Variants in MRTFA observed in about 807,000 individuals in gnomAD.
MRTFA encodes myocardin related transcription factor A.
Under a neutral mutation model 83.5 loss-of-function variants are expected in MRTFA, and 20 were observed. That is an observed-to-expected ratio of 0.24 (90% confidence interval 0.17 to 0.35). The LOEUF (loss-of-function observed/expected upper bound fraction) is 0.35. Ranked by LOEUF, MRTFA falls within the 10% of genes least tolerant of loss-of-function variation. The pLI, the probability that MRTFA is intolerant of heterozygous loss-of-function variation, is 1.00. For synonymous variants in MRTFA, 659 were observed against 541.2 expected, an observed-to-expected ratio of 1.22 and a Z score of -3.02; for missense variants, 1,200 against 1,224.7, an observed-to-expected ratio of 0.98 and a Z score of 0.30.
rs2147061434 is a variant in MRTFA at position 40,416,567 on chromosome 22, C to T, written c.2578+419G>A. 6.6e-6 allele frequency among the ~76,000 whole-genome samples: 1 copy of T among 152,358 alleles called. No homozygotes were observed. The highest frequency in any genetic ancestry group is 2.1e-4 in the South Asian group (1 of 4,834). On this transcript the variant is annotated intron_variant, in intron 14 of 14. Coordinates refer to ENST00000355630, the MANE Select transcript of MRTFA (RefSeq NM_020831.6). The surrounding 1 kb of genome is among the most constrained non-coding windows in gnomAD (Gnocchi z 4.2). ...ACTCCCGAGGCCGCACAGATGCACA[C>T]AGCTGCCCCTGCTCACAGGAGACAT...
chr22:40,631,205 T>C (rs922036462), intron 1 of MRTFA, among the ~76,000 whole-genome samples: 3 of 152,164 alleles, frequency 2.0e-5, no homozygotes, highest in Admixed American at 6.6e-5. Flanking sequence ...GAAGCAGCAA[T>C]GGTTAACATT....
rs1053517435 is a variant in MRTFA, at chr22:40,420,963, C to T, written c.1065G>A (p.Met355Ile). 7 of 1,613,216 alleles carry T rather than the reference C, an allele frequency of 4.3e-6. No individual in the cohort carries two copies. Among genetic ancestry groups the T allele is most frequent in the Non-Finnish European group, 5.9e-6 (7 of 1,179,462 alleles). ...GCAGGATCTTGGCGTAGGATGAGTC[C>T]ATGGGGGGTGCCCCCCTGTCCTGCT... The change falls in exon 10 of 15, where the codon ATG (methionine) becomes ATA (isoleucine). Residue 355 changes from methionine to isoleucine, a missense_variant. By Grantham distance (10) the Met-to-Ile change is conservative. Transcript: ENST00000355630.
chr22:40,534,224 G>A (rs1475317707), intron 3 of MRTFA, among the ~76,000 whole-genome samples: 1 of 151,978 alleles, frequency 6.6e-6, no homozygotes, highest in Non-Finnish European at 1.5e-5. Context: ...TTTTATATGT[G>A]GTATTTATAG....
At chr22:40,560,129 G>A (rs1344239646) in intron 2 of MRTFA, among the ~76,000 whole-genome samples, 2 of 152,190 alleles carry the variant, frequency 1.3e-5, no homozygotes, top group African/African-American at 2.4e-5. Flanking sequence ...TCAAGGCCAT[G>A]AGGCAGGGAG....
chr22:40,414,150 G>A (rs1386596351), intron 14 of MRTFA, among the ~76,000 whole-genome samples: 1 of 152,088 alleles, frequency 6.6e-6, no homozygotes, highest in East Asian at 1.9e-4. Flanking sequence ...ACCAGCCTGG[G>A]CAACACAGTG....
intron 4 of MRTFA, among the ~76,000 whole-genome samples, chr22:40,436,552 T>C (rs964503168): frequency 1.1e-4 from 16 of 152,158 alleles, no homozygotes; most frequent in African/African-American, 3.6e-4. Flanking sequence ...AAGTCTCGAC[T>C]TCTGCAAACA....
intron 1 of MRTFA, among the ~76,000 whole-genome samples, chr22:40,621,168 C>T (rs930774151): frequency 2.0e-5 from 3 of 146,546 alleles, no homozygotes; most frequent in Middle Eastern, 3.4e-3. Context: ...GGTGACAGAG[C>T]GAGACTCTGT....
chr22:40,466,898 G>A (rs1388041649), intron 3 of MRTFA, among the ~76,000 whole-genome samples: 3 of 151,918 alleles, frequency 2.0e-5, no homozygotes, highest in African/African-American at 7.3e-5. Context: ...GTTTTCTGTG[G>A]AGATTACAGT....
intron 3 of MRTFA, among the ~76,000 whole-genome samples, chr22:40,528,737 C>CAA (rs11321951): frequency 3.9e-4 from 46 of 116,596 alleles, no homozygotes; most frequent in African/African-American, 7.1e-4. Flanking sequence ...AACTCTGCTT[C>CAA]AAAAAAAAAA....
rs1007133314 is a variant in MRTFA, at chr22:40,509,256, A to G, written c.241+42850T>C. Among the ~76,000 whole-genome samples, 15 of 152,220 alleles carry G rather than the reference A, an allele frequency of 9.9e-5. No individual in the cohort carries two copies. In the East Asian group the frequency reaches 1.5e-3, roughly 16 times the overall value. On this transcript the variant is annotated intron_variant, in intron 3 of 14. Coordinates refer to ENST00000355630, the MANE Select transcript of MRTFA (RefSeq NM_020831.6). ...TATTTCCTGGTTCACACCTTCCCCT[A>G]TTAGGGAAATCACTTTTGGGCACAA...
At chr22:40,420,768 C>G in intron 10 of MRTFA, 79 bp downstream of exon 10, 1 of 1,587,210 alleles carries the variant, frequency 6.3e-7, no homozygotes, top group Non-Finnish European at 8.5e-7. Context: ...GTGAGGTTCA[C>G]CCCCACCAGA....
chr22:40,532,186 G>A (rs1452105280), intron 3 of MRTFA, among the ~76,000 whole-genome samples: 1 of 152,158 alleles, frequency 6.6e-6, no homozygotes, highest in South Asian at 2.1e-4. Context: ...CCCTCTCAAG[G>A]CTGAGAACAC....
intron 3 of MRTFA, among the ~76,000 whole-genome samples, chr22:40,500,280 T>C (rs1448657633): frequency 2.0e-5 from 3 of 151,100 alleles, no homozygotes; most frequent in Non-Finnish European, 2.9e-5. Context: ...AGTCTATGCC[T>C]ACAAAGAGAA....
chr22:40,579,653 A>T (rs2055916689), intron 2 of MRTFA, among the ~76,000 whole-genome samples: 1 of 152,162 alleles, frequency 6.6e-6, no homozygotes, highest in Non-Finnish European at 1.5e-5. Context: ...TGAGGTCAGG[A>T]GTTCAAGACC....
chr22:40,592,164 A>C (rs2056129672), intron 2 of MRTFA, among the ~76,000 whole-genome samples: 2 of 151,042 alleles, frequency 1.3e-5, no homozygotes, highest in African/African-American at 4.9e-5. Context: ...ATGGTGGCTC[A>C]TGCCTGTAAA....
intron 2 of MRTFA, among the ~76,000 whole-genome samples, chr22:40,579,999 C>A (rs1030693703): frequency 1.8e-4 from 27 of 152,110 alleles, no homozygotes; most frequent in African/African-American, 5.8e-4. Flanking sequence ...AAGCACTTTT[C>A]GAGCAAGGAA....
chr22:40,458,343 C>A (rs1322515881), intron 4 of MRTFA, among the ~76,000 whole-genome samples: 1 of 152,202 alleles, frequency 6.6e-6, no homozygotes, highest in Admixed American at 6.5e-5. Context: ...CAGAAACCAA[C>A]TTCTGTATCT....
At chr22:40,554,419 C>T (rs1244449135) in intron 2 of MRTFA, among the ~76,000 whole-genome samples, 1 of 152,118 alleles carries the variant, frequency 6.6e-6, no homozygotes, top group Non-Finnish European at 1.5e-5. Context: ...GGAGTGGTTA[C>T]CTCCATGCTG....
chr22:40,552,016 G>A (rs533167639), intron 3 of MRTFA, 90 bp downstream of exon 3: 25 of 394,130 alleles, frequency 6.3e-5, no homozygotes, highest in African/African-American at 1.4e-4. Context: ...GAACTTTCAC[G>A]GAACATCAAA....
Sources: allele counts gnomAD v4.1 joint callset (sites outside exome capture counted in the v4.1 genomes callset), GRCh38; gene constraint gnomAD v4.1.1; non-coding constraint Gnocchi (gnomAD v3.1); transcripts MANE v1.5; gene names NCBI Gene and HGNC (gene_info 2026-07-23, HGNC 2026-07-21).